The following FBXO38 variants were observed in gnomAD, a reference collection of about 807,000 sequenced individuals.
FBXO38 encodes F-box protein 38.
Under a neutral mutation model 131.9 loss-of-function variants are expected in FBXO38, and 53 were observed. The ratio of observed to expected loss-of-function variants is 0.40; its 90% CI spans 0.32 to 0.51. The LOEUF (loss-of-function observed/expected upper bound fraction) is 0.51. FBXO38 is among the 20% of genes least tolerant of loss of function. The probability of loss-of-function intolerance (pLI) is 0.53; values close to 1 mark genes in which losing one functional copy is unlikely to be tolerated. For synonymous variants in FBXO38, 452 were observed against 505.6 expected, an observed-to-expected ratio of 0.89 and a Z score of 1.42; for missense variants, 1,076 against 1,475.6, an observed-to-expected ratio of 0.73 and a Z score of 4.44.
chr5:148,409,843 A>T (rs1340037161), intron 8 of FBXO38, among the ~76,000 whole-genome samples: 1 of 152,160 alleles, frequency 6.6e-6, no homozygotes, highest in Non-Finnish European at 1.5e-5. Flanking sequence ...AAGTGTTTCT[A>T]AGTTTAGGTA....
At chr5:148,427,093 T>G (rs1389717215) in intron 14 of FBXO38, 120 bp from the exon 15 acceptor site, 4 of 1,162,624 alleles carry the variant, frequency 3.4e-6, no homozygotes, top group Non-Finnish European at 4.8e-6. Flanking sequence ...AGTTATACTT[T>G]AGGAAAATTA....
At chr5:148,400,467 A>G (rs1752081364) in intron 3 of FBXO38, among the ~76,000 whole-genome samples, 1 of 152,128 alleles carries the variant, frequency 6.6e-6, no homozygotes, top group Non-Finnish European at 1.5e-5. Flanking sequence ...ATTTGACTGC[A>G]TGTTGCTGAC....
At chr5:148,422,655 T>C (rs2113611634) in intron 12 of FBXO38, among the ~76,000 whole-genome samples, 1 of 152,340 alleles carries the variant, frequency 6.6e-6, no homozygotes. Flanking sequence ...TTCAAATGAA[T>C]GCAATGAAAG....
intron 6 of FBXO38, 119 bp from the exon 7 acceptor site, chr5:148,406,138 G>T (rs1752432789): frequency 2.1e-6 from 2 of 941,356 alleles, no homozygotes; most frequent in South Asian, 2.2e-5. Flanking sequence ...ATTTCAGAGA[G>T]CCAATTTGGC....
At chr5:148,421,078 T>C (rs1431348847) in intron 12 of FBXO38, among the ~76,000 whole-genome samples, 1 of 152,066 alleles carries the variant, frequency 6.6e-6, no homozygotes, top group Non-Finnish European at 1.5e-5. Context: ...GCGATTCTCC[T>C]GCCTCAGCCT....
intron 17 of FBXO38, chr5:148,433,944 T>A: frequency 2.9e-6 from 1 of 348,056 alleles, no homozygotes; most frequent in Non-Finnish European, 5.2e-6. Flanking sequence ...GTTCATCTTT[T>A]AAAATAGCCT....
chr5:148,430,914 A>G (rs1754010983), intron 15 of FBXO38: 1 of 152,242 alleles, frequency 6.6e-6, no homozygotes, highest in Non-Finnish European at 1.5e-5. Context: ...GTCAAAGAAT[A>G]ACATTTAAGA....
chr5:148,439,627 C>G lies in FBXO38; in HGVS notation c.3025-20C>G, dbSNP rs904307893. The G allele has an allele frequency of 5.6e-6, 9 of 1,597,442 alleles. No individual in the cohort carries two copies. The highest frequency in any genetic ancestry group is 8.5e-7 in the Non-Finnish European group (1 of 1,176,834). The stretch of plus-strand genomic sequence containing the variant: ...GGCATTCTCTTTGTTGAAGACATCT[C>G]TTTATGATGTCTTCCACAGGTGGAC... On this transcript the variant is annotated intron_variant, in intron 18 of 21. Transcript: ENST00000340253.
chr5:148,406,480 C>G lies in FBXO38; in HGVS notation c.868+86C>G, dbSNP rs974189957. 4 of 1,145,814 alleles carry G rather than the reference C, an allele frequency of 3.5e-6. No homozygotes were observed. In the African/African-American group the frequency reaches 6.4e-5, roughly 18 times the overall value. 71.0% of individuals were successfully genotyped at this position (1,145,814 alleles called of 1,614,324 possible). ...CTTTTATTTAACTTCCCTGGCAAGT[C>G]TTTAAAAAGAAAATGCTCGTCAGTA... On this transcript the variant is annotated intron_variant, in intron 7 of 21. Transcript: ENST00000340253.
At chr5:148,414,607 C>T (rs1488460357) in intron 10 of FBXO38, among the ~76,000 whole-genome samples, 1 of 152,048 alleles carries the variant, frequency 6.6e-6, no homozygotes, top group Non-Finnish European at 1.5e-5. Context: ...TTCATTGTTA[C>T]CTAGGACTTA....
At chr5:148,429,908 T>C (rs1315600717) in intron 15 of FBXO38, among the ~76,000 whole-genome samples, 2 of 152,016 alleles carry the variant, frequency 1.3e-5, no homozygotes, top group African/African-American at 2.4e-5. Context: ...ATTTATGTAG[T>C]GCTTTTTATT....
intron 8 of FBXO38, among the ~76,000 whole-genome samples, chr5:148,409,656 T>TA (rs1186396143): frequency 6.6e-6 from 1 of 152,254 alleles, no homozygotes; most frequent in East Asian, 1.9e-4. Flanking sequence ...TCTGACCTTG[T>TA]AACACCTCTA....
At chr5:148,438,684 T>C (rs766137147) in intron 18 of FBXO38, among the ~76,000 whole-genome samples, 186 bp downstream of exon 18, 2 of 152,186 alleles carry the variant, frequency 1.3e-5, no homozygotes, top group African/African-American at 2.4e-5. Context: ...TTTATACTTA[T>C]TAAAAGTTAC....
At chr5:148,436,929 G>T (rs1178736754) in intron 17 of FBXO38, among the ~76,000 whole-genome samples, 3 of 152,174 alleles carry the variant, frequency 2.0e-5, no homozygotes, top group Non-Finnish European at 4.4e-5. Flanking sequence ...AACAGTAGGG[G>T]TACTCACCCT....
At chr5:148,414,965 A>G (rs1197337792) in intron 10 of FBXO38, among the ~76,000 whole-genome samples, 1 of 152,160 alleles carries the variant, frequency 6.6e-6, no homozygotes, top group African/African-American at 2.4e-5. Flanking sequence ...ACTGACACCT[A>G]CAGAACAGCC....
chr5:148,406,259 C>A lies in FBXO38; in HGVS notation c.733C>A (p.Pro245Thr). The A allele has an allele frequency of 1.3e-6, 2 of 1,562,566 alleles. No homozygotes were observed. Among genetic ancestry groups the A allele is most frequent in the Non-Finnish European group, 1.7e-6 (2 of 1,160,274 alleles). The change falls in exon 7 of 22, where the codon CCC becomes ACC. Residue 245 changes from proline to threonine, a missense_variant and splice_region_variant. Around this residue, in one of 8 missense-constraint regions of FBXO38, gnomAD observed 66 missense variants for 72.4 expected, o/e 0.91. Transcript: ENST00000340253. The part of the protein sequence containing the change: ...RTFVMRNCAG[P>T]TNSLKYVPLV... ...CAAAGATTTTTTTTTTTTTCCAGGA[C>A]CCACAAATTCCTTGAAATATGTCCC...
At chr5:148,389,007 G>T (rs115045019) in intron 1 of FBXO38, among the ~76,000 whole-genome samples, 1 of 152,158 alleles carries the variant, frequency 6.6e-6, no homozygotes, top group Admixed American at 6.5e-5. Flanking sequence ...CTTAGAGGCC[G>T]TTGTAGAGTT....
intron 17 of FBXO38, among the ~76,000 whole-genome samples, chr5:148,435,399 A>G (rs1561545757): frequency 6.6e-6 from 1 of 152,250 alleles, no homozygotes; most frequent in African/African-American, 2.4e-5. Flanking sequence ...AACTGGCGCA[A>G]GAGACCTAGC....
chr5:148,392,037 A>T (rs1223938852), intron 1 of FBXO38, among the ~76,000 whole-genome samples: 1 of 152,194 alleles, frequency 6.6e-6, no homozygotes, highest in African/African-American at 2.4e-5. Context: ...TAACACTATA[A>T]ATCAGGAGAC....
Sources: allele counts gnomAD v4.1 joint callset (sites outside exome capture counted in the v4.1 genomes callset), GRCh38; gene constraint gnomAD v4.1.1; regional missense constraint gnomAD v4.1.1; transcripts MANE v1.5; gene names NCBI Gene and HGNC (gene_info 2026-07-23, HGNC 2026-07-21).